The following RARB variants were observed in gnomAD, a reference collection of about 807,000 sequenced individuals.
RARB encodes HBV-activated protein.
RARB carries 17 observed loss-of-function variants against 51.9 expected under a neutral mutation model. That is an observed-to-expected ratio of 0.33 (90% confidence interval 0.22 to 0.49). The LOEUF is 0.49. RARB is among the 20% of genes least tolerant of loss of function. The pLI, the probability that RARB is intolerant of heterozygous loss-of-function variation, is 0.99. For synonymous variants in RARB, 215 were observed against 195.4 expected, an observed-to-expected ratio of 1.10 and a Z score of -0.84; for missense variants, 369 against 550.8, an observed-to-expected ratio of 0.67 and a Z score of 3.30.
At chr3:25,341,015 G>T (rs1158829292) in intron 5 of RARB, among the ~76,000 whole-genome samples, 1 of 152,104 alleles carries the variant, frequency 6.6e-6, no homozygotes, top group African/African-American at 2.4e-5. Flanking sequence ...AGCTAAATAG[G>T]CGTTGTCTTT....
chr3:24,997,896 T>C (rs1697076818), intron 2 of RARB, among the ~76,000 whole-genome samples: 4 of 152,170 alleles, frequency 2.6e-5, no homozygotes, highest in Admixed American at 2.0e-4. Context: ...TTATTTTTAC[T>C]TAGAATCTGT....
At chr3:25,242,904 G>T (rs899131843) in intron 5 of RARB, among the ~76,000 whole-genome samples, 3 of 152,118 alleles carry the variant, frequency 2.0e-5, no homozygotes, top group Non-Finnish European at 4.4e-5. Flanking sequence ...TGGGCAGTAT[G>T]GCCATTTTCA....
intron 4 of RARB, among the ~76,000 whole-genome samples, chr3:25,161,979 C>G (rs1296669640): frequency 3.3e-5 from 5 of 152,176 alleles, no homozygotes; most frequent in African/African-American, 1.2e-4. Flanking sequence ...GACAGACACA[C>G]AAGACAATCT....
chr3:25,206,530 G>A (rs1055111948), intron 5 of RARB, among the ~76,000 whole-genome samples: 14 of 152,036 alleles, frequency 9.2e-5, no homozygotes, highest in South Asian at 2.1e-4. Context: ...TGAACCTTTC[G>A]AGAAAATCTT....
At chr3:25,045,921 T>C (rs1025400250) in intron 2 of RARB, among the ~76,000 whole-genome samples, 5 of 152,384 alleles carry the variant, frequency 3.3e-5, no homozygotes, top group African/African-American at 9.6e-5. Flanking sequence ...TATTTTATTA[T>C]ACATAGGAAA....
chr3:24,896,791 G>T (rs373784860), intron 2 of RARB, among the ~76,000 whole-genome samples: 2 of 152,268 alleles, frequency 1.3e-5, no homozygotes, highest in East Asian at 3.9e-4. Flanking sequence ...AAACGAACTT[G>T]GAATGGGGCA....
chr3:25,501,933 T>A (rs1231455711), intron 3 of RARB, among the ~76,000 whole-genome samples: 1 of 152,242 alleles, frequency 6.6e-6, no homozygotes. Flanking sequence ...TGATGGGGAT[T>A]TGAAATATAC....
At chr3:25,268,562 A>G (rs1410945813) in intron 5 of RARB, among the ~76,000 whole-genome samples, 2 of 152,158 alleles carry the variant, frequency 1.3e-5, no homozygotes, top group Non-Finnish European at 2.9e-5. Flanking sequence ...GAATGGAAGA[A>G]TTTATTAATG....
At chr3:25,347,528 CTTA>C (rs1705430935) in intron 5 of RARB, among the ~76,000 whole-genome samples, 2 of 152,302 alleles carry the variant, frequency 1.3e-5, no homozygotes, top group South Asian at 4.1e-4. Context: ...TTTTCTCTAT[CTTA>C]TTATTACTTT....
At chr3:25,119,064 G>A (rs928024707) in intron 3 of RARB, among the ~76,000 whole-genome samples, 1 of 152,152 alleles carries the variant, frequency 6.6e-6, no homozygotes, top group Non-Finnish European at 1.5e-5. Context: ...ATCCCAGGAT[G>A]TTTAAGCCTA....
chr3:25,589,345 G>A (rs1169877699), intron 5 of RARB, among the ~76,000 whole-genome samples: 1 of 152,208 alleles, frequency 6.6e-6, no homozygotes, highest in South Asian at 2.1e-4. Context: ...AGTTAAAGTT[G>A]GCAAGGTAGG....
intron 2 of RARB, among the ~76,000 whole-genome samples, chr3:24,880,142 G>T (rs1454466220): frequency 6.6e-6 from 1 of 151,592 alleles, no homozygotes; most frequent in African/African-American, 2.4e-5. Context: ...ATTTTTAGTT[G>T]TTCTCAGTGG....
rs1696871650 is a variant in RARB at position 24,989,788 on chromosome 3, T to A, written c.-379-70337T>A. Reference sequence around the variant, plus strand: ...CATATGTTTTTCTTTTTTTTTTTTTTTTTTTTTTTTTTTTTTTTTTTTGAG... The same window carrying A: ...CATATGTTTTTCTTTTTTTTTTTTTATTTTTTTTTTTTTTTTTTTTTTGAG... On this transcript the variant is annotated intron_variant, in intron 2 of 11. Coordinates refer to the RARB transcript ENST00000383772. Among the ~76,000 whole-genome samples, 4 of 21,254 alleles carry A rather than the reference T, an allele frequency of 1.9e-4. 1 individual carries two copies. Among genetic ancestry groups the A allele is most frequent in the Non-Finnish European group, 3.5e-4 (4 of 11,316 alleles). The allele number at this position is 21,254 out of a possible 152,430, so 13.9% of individuals were successfully genotyped here. A position where few individuals can be genotyped will look rare whatever the true frequency, so the allele number is the denominator to read the frequency against.
chr3:25,488,974 G>A (rs1219331769), intron 2 of RARB, among the ~76,000 whole-genome samples: 1 of 152,152 alleles, frequency 6.6e-6, no homozygotes, highest in Non-Finnish European at 1.5e-5. Flanking sequence ...ATCAACTAAA[G>A]TCAGGTATGA....
At chr3:25,550,403 C>T (rs1454927404) in intron 3 of RARB, among the ~76,000 whole-genome samples, 2 of 151,976 alleles carry the variant, frequency 1.3e-5, no homozygotes, top group Non-Finnish European at 2.9e-5. Context: ...GATCAAGGCA[C>T]CAGGAGATGC....
chr3:24,946,254 A>G (rs1274142133), intron 2 of RARB, among the ~76,000 whole-genome samples: 2 of 101,074 alleles, frequency 2.0e-5, no homozygotes, highest in East Asian at 3.2e-4. Context: ...ACAAAATGAG[A>G]CTCCATCTCA....
intron 5 of RARB, among the ~76,000 whole-genome samples, chr3:25,222,495 A>G (rs940764913): frequency 6.6e-6 from 1 of 152,130 alleles, no homozygotes; most frequent in Non-Finnish European, 1.5e-5. Context: ...CATAGCTGAT[A>G]TAATTCTCAA....
intron 5 of RARB, among the ~76,000 whole-genome samples, chr3:25,275,514 ACCAT>A (rs1041919647): frequency 1.3e-5 from 2 of 152,180 alleles, no homozygotes; most frequent in African/African-American, 4.8e-5. Flanking sequence ...TACTGCCTGC[ACCAT>A]CCGGAAGCTA....
intron 5 of RARB, among the ~76,000 whole-genome samples, chr3:25,338,735 C>G (rs1401831214): frequency 6.6e-6 from 1 of 152,144 alleles, no homozygotes; most frequent in Non-Finnish European, 1.5e-5. Context: ...TAATTTTATA[C>G]AGGAAAGGCT....
Sources: allele counts gnomAD v4.1 joint callset (sites outside exome capture counted in the v4.1 genomes callset), GRCh38; gene constraint gnomAD v4.1.1; transcripts MANE v1.5; gene names NCBI Gene and HGNC (gene_info 2026-07-23, HGNC 2026-07-21).